TTC29: variants seen among roughly 807,000 people sequenced by gnomAD.
TTC29 encodes the protein tetratricopeptide repeat domain 29.
Under a neutral mutation model 58.1 loss-of-function variants are expected in TTC29, and 49 were observed. The observed-to-expected ratio is 0.84, with a 90% CI of 0.67 to 1.07. The LOEUF (loss-of-function observed/expected upper bound fraction) is 1.07. Among genes scored for constraint, TTC29 ranks in the 50% least tolerant of loss-of-function variants. TTC29 has a pLI of 0.00. For missense variants in TTC29, 582 were observed against 555.6 expected, an observed-to-expected ratio of 1.05 and a Z score of -0.48; for synonymous variants, 209 against 196.8, an observed-to-expected ratio of 1.06 and a Z score of -0.52.
intron 9 of TTC29, chr4:146,831,834 C>T (rs1728184363): frequency 2.8e-6 from 1 of 352,758 alleles, no homozygotes; most frequent in Non-Finnish European, 6.0e-6. Context: ...CATCAGTAAC[C>T]AAAGGGGCAT....
intron 11 of TTC29, among the ~76,000 whole-genome samples, chr4:146,746,469 T>C (rs2150041860): frequency 6.6e-6 from 1 of 152,360 alleles, no homozygotes; most frequent in East Asian, 1.9e-4. Context: ...TTTGATAGTT[T>C]GATGGTGAAC....
At chr4:146,750,045 C>T (rs1250227473) in intron 11 of TTC29, among the ~76,000 whole-genome samples, 11 of 152,188 alleles carry the variant, frequency 7.2e-5, no homozygotes, top group East Asian at 5.8e-4. Flanking sequence ...CTCACTCTGT[C>T]GCCCTACATT....
chr4:146,709,405 T>C (rs1375624741), intron 11 of TTC29, among the ~76,000 whole-genome samples: 2 of 152,104 alleles, frequency 1.3e-5, no homozygotes, highest in African/African-American at 4.8e-5. Flanking sequence ...TCATTGTTTT[T>C]CCTCATTTTT....
chr4:146,803,731 C>T, intron 10 of TTC29, 46 bp from the exon 11 acceptor site: 1 of 1,435,710 alleles, frequency 7.0e-7, no homozygotes, highest in Non-Finnish European at 9.3e-7. Flanking sequence ...TTTAATGTCA[C>T]CATTTCACAT....
intron 11 of TTC29, among the ~76,000 whole-genome samples, chr4:146,778,074 C>T (rs1048017092): frequency 4.6e-5 from 7 of 152,120 alleles, no homozygotes; most frequent in South Asian, 2.1e-4. Context: ...GGATTATCTT[C>T]GTGGACGTGT....
chr4:146,809,344 A>G (rs1021967746), intron 10 of TTC29, among the ~76,000 whole-genome samples: 2 of 150,252 alleles, frequency 1.3e-5, no homozygotes, highest in Non-Finnish European at 3.0e-5. Flanking sequence ...CTTCATGACT[A>G]AAGCACCAAA....
At chr4:146,906,413 G>A (rs1733524391) in intron 5 of TTC29, among the ~76,000 whole-genome samples, 1 of 152,152 alleles carries the variant, frequency 6.6e-6, no homozygotes, top group African/African-American at 2.4e-5. Flanking sequence ...TTCTTCCAAT[G>A]AGAAGCAACG....
rs557258567 is a variant in TTC29 at position 146,816,102 on chromosome 4, C to T, written c.1101+4023G>A. On this transcript the variant is annotated intron_variant, in intron 10 of 12. Transcript: ENST00000325106. ...AAGTTAAGGTATAAGAAATAATATC[C>T]AAAAGCTGTGTCAACTTCCAGAAGT... is the stretch of plus-strand genomic sequence containing the variant. Among the ~76,000 whole-genome samples the T allele has an allele frequency of 3.3e-5, 5 of 152,178 alleles. No individual in the cohort carries two copies. The South Asian group carries it at 1.0e-3, about 32-fold the overall frequency.
At chr4:146,832,177 T>A (rs1288645152) in intron 9 of TTC29, among the ~76,000 whole-genome samples, 1 of 60,730 alleles carries the variant, frequency 1.6e-5, no homozygotes, top group Non-Finnish European at 2.9e-5. Flanking sequence ...GAATCCAATC[T>A]TTTTTTGCTG....
intron 11 of TTC29, among the ~76,000 whole-genome samples, chr4:146,783,953 A>T (rs1748812912): frequency 6.6e-6 from 1 of 151,998 alleles, no homozygotes; most frequent in South Asian, 2.1e-4. Flanking sequence ...CTAACTGGAA[A>T]CCTAAGACTC....
intron 6 of TTC29, among the ~76,000 whole-genome samples, chr4:146,885,677 T>C (rs942227035): frequency 3.3e-5 from 5 of 152,116 alleles, no homozygotes; most frequent in African/African-American, 1.2e-4. Context: ...TGGCAAATTT[T>C]ATGATTGCTA....
intron 11 of TTC29, among the ~76,000 whole-genome samples, chr4:146,762,410 T>C (rs961242981): frequency 1.1e-4 from 16 of 151,416 alleles, no homozygotes; most frequent in Non-Finnish European, 1.9e-4. Context: ...GTGTAAAAGC[T>C]GGCTGGCTAT....
At chr4:146,927,079 T>C (rs371295529) in intron 4 of TTC29, among the ~76,000 whole-genome samples, 2 of 48,740 alleles carry the variant, frequency 4.1e-5, no homozygotes, top group Admixed American at 2.6e-4. Flanking sequence ...AGACCCCATC[T>C]CAAAAAAAAA....
intron 11 of TTC29, among the ~76,000 whole-genome samples, chr4:146,730,127 C>G (rs1579543260): frequency 6.6e-6 from 1 of 152,044 alleles, no homozygotes; most frequent in Non-Finnish European, 1.5e-5. Context: ...GCATTTATAT[C>G]TATGTAAATA....
intron 11 of TTC29, among the ~76,000 whole-genome samples, chr4:146,794,241 T>C (rs1433804246): frequency 6.6e-6 from 1 of 152,126 alleles, no homozygotes; most frequent in Non-Finnish European, 1.5e-5. Flanking sequence ...GCCATCTATA[T>C]TTTTAGGGAA....
chr4:146,728,678 A>G (rs905095683), intron 11 of TTC29, among the ~76,000 whole-genome samples: 3 of 147,626 alleles, frequency 2.0e-5, no homozygotes, highest in Non-Finnish European at 4.5e-5. Context: ...ATACACATAT[A>G]TGATTATATA....
rs1579952954 is a variant in TTC29 at position 146,904,476 on chromosome 4, C to T, written c.401-747G>A. ...CCTATATCTACATAAAAAAATGTGT[C>T]CGTCAATTGTGAATCAGTCTTATAA... On this transcript the variant is annotated intron_variant, in intron 5 of 12. Coordinates refer to ENST00000325106, the MANE Select transcript of TTC29 (RefSeq NM_031956.4). Among the ~76,000 whole-genome samples the T allele has an allele frequency of 2.0e-5, 3 of 151,988 alleles. No individual in the cohort carries two copies. In the East Asian group the frequency reaches 5.8e-4, roughly 29 times the overall value.
At chr4:146,707,420 GATT>G in intron 12 of TTC29, 62 bp downstream of exon 12, 2 of 1,173,294 alleles carry the variant, frequency 1.7e-6, no homozygotes, top group Non-Finnish European at 2.5e-6. Context: ...TGGAGAATGA[GATT>G]ATGCTTAGTA....
At chr4:146,812,757 C>T (rs1751108442) in intron 10 of TTC29, 1 of 152,012 alleles carries the variant, frequency 6.6e-6, no homozygotes, top group Non-Finnish European at 1.5e-5. Context: ...GTATACGTAC[C>T]ATTTTAGAAT....
Sources: gnomAD v4.1 joint callset for allele counts (sites outside exome capture counted in the v4.1 genomes callset) on GRCh38, gnomAD v4.1.1 for gene constraint, MANE v1.5 for transcripts, NCBI Gene and HGNC (gene_info 2026-07-23, HGNC 2026-07-21) for gene names.